The following ITGA11 variants were observed in gnomAD, a reference collection of about 807,000 sequenced individuals.
ITGA11 encodes integrin subunit alpha 11.
A neutral mutation model predicts 141.9 loss-of-function variants in ITGA11; 97 were observed. That is an observed-to-expected ratio of 0.68 (90% CI 0.58 to 0.81). The LOEUF is 0.81. ITGA11 is among the 30% of genes least tolerant of loss of function. The pLI, the probability that ITGA11 is intolerant of heterozygous loss-of-function variation, is 0.00. For missense variants in ITGA11, 1,387 were observed against 1,559.2 expected, an observed-to-expected ratio of 0.89 and a Z score of 1.86; for synonymous variants, 658 against 624.6, an observed-to-expected ratio of 1.05 and a Z score of -0.80.
rs1050058693 is a variant in ITGA11 at position 68,297,440 on chromosome 15, T to A, written c.*5619A>T. ...AGTTCTGCACTTCTGAGCTTTTTTT[T>A]TTTTTTTTTTTTTATCCAAAAGAAA... On this transcript the variant is annotated 3_prime_UTR_variant, in exon 30 of 30. Transcript: ENST00000315757. 1 of 150,820 alleles carries A rather than the reference T, an allele frequency of 6.6e-6. No homozygotes were observed. The highest frequency in any genetic ancestry group is 2.4e-5 in the African/African-American group (1 of 41,268). 9.3% of individuals were successfully genotyped at this position (150,820 alleles called of 1,614,324 possible). A position where few individuals can be genotyped will look rare whatever the true frequency, so the allele number is the denominator to read the frequency against.
chr15:68,416,579 C>T (rs1896891300), intron 1 of ITGA11, among the ~76,000 whole-genome samples: 1 of 152,180 alleles, frequency 6.6e-6, no homozygotes. Flanking sequence ...TTCCTCCGAG[C>T]CCTGGACAGC....
intron 1 of ITGA11, among the ~76,000 whole-genome samples, chr15:68,409,204 G>T (rs1285139451): frequency 6.6e-6 from 1 of 152,150 alleles, no homozygotes; most frequent in Non-Finnish European, 1.5e-5. Flanking sequence ...GCTGCAAAGT[G>T]GTCCTTCCTC....
At chr15:68,314,588 A>G (rs1893506067) in intron 22 of ITGA11, among the ~76,000 whole-genome samples, 2 of 152,278 alleles carry the variant, frequency 1.3e-5, no homozygotes, top group East Asian at 3.9e-4. Context: ...GTGCCTCCAG[A>G]GCCCCCTCCT....
At chr15:68,337,742 AG>A (rs3837691) in intron 11 of ITGA11, among the ~76,000 whole-genome samples, 99,862 of 151,936 alleles carry the variant, frequency 0.66, 36,690 homozygotes, top group East Asian at 0.83. Flanking sequence ...AACATGAAAA[AG>A]CTCAAACGTC....
At chr15:68,415,137 TC>T (rs1207869619) in intron 1 of ITGA11, among the ~76,000 whole-genome samples, 3 of 152,158 alleles carry the variant, frequency 2.0e-5, no homozygotes, top group African/African-American at 7.2e-5. Flanking sequence ...CTTGGCCTTA[TC>T]CCCCTGCCTT....
chr15:68,350,401 A>G (rs1894867410), intron 9 of ITGA11, among the ~76,000 whole-genome samples: 1 of 151,984 alleles, frequency 6.6e-6, no homozygotes, highest in Non-Finnish European at 1.5e-5. Flanking sequence ...TGCTGACCAA[A>G]CTGGTCTTGA....
At position 68,378,934 on chromosome 15, in the gene ITGA11, G is replaced by A. The variant is rs114173471; in HGVS notation, c.165-9650C>T. ...CCAAACAGTGCTTCCTTCCTAAGTT[G>A]CAGAAGTTCTTAGAAGAGAAGAGGG... On this transcript the variant is annotated intron_variant, in intron 2 of 29. Transcript: ENST00000315757. 5.3e-3 allele frequency among the ~76,000 whole-genome samples: 804 copies of A among 152,286 alleles called. 9 individuals are homozygous for A. The highest frequency in any genetic ancestry group is 0.019 in the African/African-American group (777 of 41,552).
chr15:68,367,985 C>A (rs1394004796), intron 3 of ITGA11, among the ~76,000 whole-genome samples: 2 of 152,152 alleles, frequency 1.3e-5, no homozygotes, highest in African/African-American at 2.4e-5. Context: ...AAGTTTGGGC[C>A]CCGGCTATGC....
At chr15:68,424,456 T>A (rs1354501252) in intron 1 of ITGA11, among the ~76,000 whole-genome samples, 1 of 152,190 alleles carries the variant, frequency 6.6e-6, no homozygotes, top group African/African-American at 2.4e-5. Flanking sequence ...CCGTTAGAAT[T>A]ATTGGACAGC....
rs1458965662 is a variant in ITGA11, at chr15:68,317,200, C to T, written c.2715+65G>A. 6.7e-6 allele frequency: 8 copies of T among 1,186,142 alleles called. No homozygotes were observed. In the African/African-American group the frequency reaches 7.6e-5, roughly 11 times the overall value. The allele number at this position is 1,186,142 out of a possible 1,614,324, so 73.5% of individuals were successfully genotyped here. On this transcript the variant is annotated intron_variant, in intron 21 of 29. Transcript: ENST00000315757. ...TCACTCTTGTTGCTCTTGCCGCCCT[C>T]CCCAAACTACCTGTGCCTCCCAGTG...
intron 15 of ITGA11, among the ~76,000 whole-genome samples, chr15:68,329,576 GGT>G (rs1429805848): frequency 6.6e-6 from 1 of 152,160 alleles, no homozygotes; most frequent in Non-Finnish European, 1.5e-5. Flanking sequence ...TCTCTTGAGG[GGT>G]GTGTGTGCAC....
At chr15:68,429,199 G>T (rs59966092) in intron 1 of ITGA11, among the ~76,000 whole-genome samples, 10,607 of 152,228 alleles carry the variant, frequency 0.07, 419 homozygotes, top group Middle Eastern at 0.11. Context: ...CACTTTGTAG[G>T]TGAGGAAACT....
intron 2 of ITGA11, among the ~76,000 whole-genome samples, chr15:68,370,171 C>T (rs572761929): frequency 3.9e-5 from 6 of 152,198 alleles, no homozygotes; most frequent in East Asian, 1.9e-4. Context: ...TGAGGGAATG[C>T]GTTTCTGTTG....
intron 2 of ITGA11, among the ~76,000 whole-genome samples, chr15:68,372,436 A>G (rs1445365042): frequency 6.6e-6 from 1 of 152,182 alleles, no homozygotes; most frequent in South Asian, 2.1e-4. Context: ...CAGACGGCAC[A>G]GCAAACCCCA....
chr15:68,361,808 T>C (rs940173961), intron 4 of ITGA11, 104 bp from the exon 5 acceptor site: 5 of 740,414 alleles, frequency 6.8e-6, no homozygotes, highest in Non-Finnish European at 1.1e-5. Context: ...CAAGACAGAC[T>C]TCTATCTGAG....
Position 68,321,643 on chromosome 15 carries a change from C to T in ITGA11, c.2323-140G>A. The stretch of plus-strand genomic sequence containing the variant: ...GTCCCCAGACACCACACTGCTCTGT[C>T]TTGTGCTTTTCCATAGATGCTTCCC... On this transcript the variant is annotated intron_variant, in intron 18 of 29. Transcript: ENST00000315757. This position sits in a 1 kb window ranked among gnomAD's most constrained non-coding sequence, Gnocchi z 4.9. 2.1e-6 allele frequency: 1 copy of T among 475,154 alleles called. No individual in the cohort carries two copies. Among genetic ancestry groups the T allele is most frequent in the Non-Finnish European group, 3.8e-6 (1 of 261,618 alleles). The allele number at this position is 475,154 out of a possible 1,614,324, so 29.4% of individuals were successfully genotyped here.
intron 2 of ITGA11, among the ~76,000 whole-genome samples, chr15:68,392,442 GA>G (rs1210881277): frequency 1.3e-5 from 2 of 152,188 alleles, no homozygotes; most frequent in African/African-American, 4.8e-5. Flanking sequence ...GCAGAGAGTA[GA>G]AGTCTTGCTG....
At chr15:68,312,246 G>C (rs777004988) in intron 24 of ITGA11, among the ~76,000 whole-genome samples, 1 of 152,162 alleles carries the variant, frequency 6.6e-6, no homozygotes, top group Non-Finnish European at 1.5e-5. Flanking sequence ...TCTGGATAAA[G>C]AGAGGTCACT....
intron 1 of ITGA11, among the ~76,000 whole-genome samples, chr15:68,417,602 T>C (rs897914929): frequency 9.9e-5 from 15 of 152,184 alleles, no homozygotes; most frequent in African/African-American, 3.1e-4. Flanking sequence ...AGTTCCTCCA[T>C]TGCATTTAGA....
Sources: gnomAD v4.1 joint callset for allele counts (sites outside exome capture counted in the v4.1 genomes callset) on GRCh38, gnomAD v4.1.1 for gene constraint, Gnocchi (gnomAD v3.1) non-coding constraint, MANE v1.5 for transcripts, NCBI Gene and HGNC (gene_info 2026-07-23, HGNC 2026-07-21) for gene names.